The following DHRSX variants were observed in gnomAD, a reference collection of about 807,000 sequenced individuals.
DHRSX encodes polyprenol dehydrogenase.
DHRSX carries 31 observed loss-of-function variants against 34.0 expected under a neutral mutation model. The ratio of observed to expected loss-of-function variants is 0.91; its 90% CI spans 0.69 to 1.23. The LOEUF is 1.23. DHRSX is among the 50% of genes most tolerant of loss of function. The pLI is 0.00. For missense variants in DHRSX, 414 were observed against 428.1 expected (o/e 0.97, Z 0.29); for synonymous variants, 201 against 183.8 (o/e 1.09, Z -0.76).
At chrX:2,491,437 G>A (rs748301269) in intron 1 of DHRSX, among the ~76,000 whole-genome samples, 12 of 152,280 alleles carry the variant, frequency 7.9e-5, no homozygotes, top group Non-Finnish European at 1.0e-4. Flanking sequence ...CACCTGCCAC[G>A]TGGGAAAGCT....
chrX:2,378,659 AT>A (rs1160269757), intron 3 of DHRSX, among the ~76,000 whole-genome samples: 1 of 151,732 alleles, frequency 6.6e-6, no homozygotes, highest in Non-Finnish European at 1.5e-5. Flanking sequence ...TACATACTAT[AT>A]TTTTTTCTCT....
chrX:2,246,912 A>C (rs1438514469), intron 5 of DHRSX, among the ~76,000 whole-genome samples: 1 of 152,124 alleles, frequency 6.6e-6, no homozygotes, highest in Admixed American at 6.6e-5. Flanking sequence ...CAGTATAAAC[A>C]TAAATGATAC....
intron 3 of DHRSX, among the ~76,000 whole-genome samples, chrX:2,404,481 G>C (rs1400765713): frequency 1.3e-5 from 2 of 152,108 alleles, no homozygotes; most frequent in Non-Finnish European, 2.9e-5. Context: ...TTCTCCCTGA[G>C]GAAGAGAAAG....
At chrX:2,483,979 A>G (rs2044816975) in intron 1 of DHRSX, among the ~76,000 whole-genome samples, 1 of 152,162 alleles carries the variant, frequency 6.6e-6, no homozygotes, top group African/African-American at 2.4e-5. Flanking sequence ...AGTGCCCACG[A>G]AGTGGGAGTG....
Position 2,220,994 on chromosome X carries a change from C to A in DHRSX, c.*47G>T, listed in dbSNP as rs1283360575. ...TCTTCACAGACCCACAAGCTATTGG[C>A]AGGTGCAATGTGTTTCTTGGGGCAG... is the stretch of plus-strand genomic sequence containing the variant. On this transcript the variant is annotated 3_prime_UTR_variant, in exon 7 of 7. Transcript: ENST00000334651. 6.3e-7 allele frequency: 1 copy of A among 1,579,620 alleles called. No individual in the cohort carries two copies. The highest frequency in any genetic ancestry group is 8.6e-7 in the Non-Finnish European group (1 of 1,156,136).
At chrX:2,467,234 C>A (rs367871620) in intron 1 of DHRSX, among the ~76,000 whole-genome samples, 3 of 152,210 alleles carry the variant, frequency 2.0e-5, no homozygotes, top group African/African-American at 7.2e-5. Flanking sequence ...TTCCTTTCTA[C>A]GTAGAAGGTG....
intron 3 of DHRSX, among the ~76,000 whole-genome samples, chrX:2,311,581 G>A (rs1012992931): frequency 4.6e-5 from 7 of 152,208 alleles, no homozygotes; most frequent in Non-Finnish European, 8.8e-5. Flanking sequence ...GCAAAGAGCA[G>A]ATGCCCCAAA....
intron 1 of DHRSX, among the ~76,000 whole-genome samples, chrX:2,442,503 T>G (rs756229750): frequency 6.6e-6 from 1 of 152,000 alleles, no homozygotes; most frequent in South Asian, 2.1e-4. Flanking sequence ...CATCCAGGTA[T>G]GGATAATAAA....
At chrX:2,420,125 G>A (rs1398348550) in intron 2 of DHRSX, among the ~76,000 whole-genome samples, 1 of 152,160 alleles carries the variant, frequency 6.6e-6, no homozygotes, top group East Asian at 1.9e-4. Context: ...TTAAGAGAAT[G>A]AGGCCGGGCG....
chrX:2,471,526 T>C (rs1030209656), intron 1 of DHRSX, among the ~76,000 whole-genome samples: 1 of 151,144 alleles, frequency 6.6e-6, no homozygotes, highest in Non-Finnish European at 1.5e-5. Context: ...ATTGAGCCAT[T>C]GCACTGCAGC....
chrX:2,229,275 G>A (rs1297855293), intron 6 of DHRSX, among the ~76,000 whole-genome samples: 1 of 152,082 alleles, frequency 6.6e-6, no homozygotes, highest in Non-Finnish European at 1.5e-5. Flanking sequence ...TGTGGAAGAG[G>A]GGACGGAGTA....
At chrX:2,400,720 G>A (rs1310550120) in intron 3 of DHRSX, among the ~76,000 whole-genome samples, 2 of 152,156 alleles carry the variant, frequency 1.3e-5, no homozygotes, top group African/African-American at 2.4e-5. Flanking sequence ...GGGTCACAAA[G>A]AGCTCTCTTA....
At position 2,243,088 on chromosome X, in the gene DHRSX, C is replaced by G. The variant is rs1127915; in HGVS notation, c.739G>C (p.Val247Leu). The change falls in exon 6 of 7, where the codon GTC becomes CTC. Residue 247 changes from valine to leucine, a missense_variant. Val to Leu is a conservative substitution (Grantham distance 32). Transcript: ENST00000334651. The part of the protein sequence containing the change: ...VVDPGVVNTD[V>L]YKHVFWATRL... ...GTGGCCCAGAACACGTGCTTGTAGACGTCCGTGTTGACCACCCCGGGGTCC... is the reference window on the plus strand; with the variant it reads ...GTGGCCCAGAACACGTGCTTGTAGAGGTCCGTGTTGACCACCCCGGGGTCC... 0.71 allele frequency: 1,143,063 copies of G among 1,613,210 alleles called. 416,891 individuals are homozygous for G. The highest frequency in any genetic ancestry group is 0.81 in the African/African-American group (60,942 of 74,916).
chrX:2,348,983 C>G (rs752802083), intron 3 of DHRSX, among the ~76,000 whole-genome samples: 1 of 152,072 alleles, frequency 6.6e-6, no homozygotes, highest in South Asian at 2.1e-4. Flanking sequence ...CATGAGCCAC[C>G]GCGCCCGGCT....
chrX:2,326,910 C>G (rs1424657211), intron 3 of DHRSX, among the ~76,000 whole-genome samples: 1 of 151,646 alleles, frequency 6.6e-6, no homozygotes, highest in East Asian at 1.9e-4. Context: ...CTCCAGGGTT[C>G]AAGCGATTCT....
At chrX:2,246,745 AAAG>A (rs1306449037) in intron 5 of DHRSX, among the ~76,000 whole-genome samples, 7 of 111,746 alleles carry the variant, frequency 6.3e-5, no homozygotes, top group Non-Finnish European at 1.4e-4. Context: ...AGAAAGAAAG[AAAG>A]AAAAAGAAAG....
At chrX:2,499,637 T>C (rs1233906894) in intron 1 of DHRSX, among the ~76,000 whole-genome samples, 8 of 151,430 alleles carry the variant, frequency 5.3e-5, no homozygotes, top group Admixed American at 2.0e-4. Flanking sequence ...CCAGGCGTGG[T>C]GGCTCACGCC....
At chrX:2,446,606 G>T (rs2044139786) in intron 1 of DHRSX, among the ~76,000 whole-genome samples, 1 of 150,834 alleles carries the variant, frequency 6.6e-6, no homozygotes, top group Non-Finnish European at 1.5e-5. Context: ...TGTACACACT[G>T]AAGACATTCC....
intron 3 of DHRSX, among the ~76,000 whole-genome samples, chrX:2,374,345 T>A (rs1179317605): frequency 6.6e-6 from 1 of 152,096 alleles, no homozygotes. Context: ...AGGGCTGTAA[T>A]CCCAGCACTT....
Sources: gnomAD v4.1 joint callset for allele counts (sites outside exome capture counted in the v4.1 genomes callset) on GRCh38, gnomAD v4.1.1 for gene constraint, MANE v1.5 for transcripts, NCBI Gene and HGNC (gene_info 2026-07-23, HGNC 2026-07-21) for gene names.